The following RSPO3 variants were observed in gnomAD, a reference collection of about 807,000 sequenced individuals.
The protein encoded by RSPO3 is R-spondin 3.
In RSPO3, 17 loss-of-function variants were observed where a neutral mutation model predicts 36.5. The ratio of observed to expected loss-of-function variants is 0.47; its 90% confidence interval spans 0.32 to 0.70. RSPO3 has a LOEUF of 0.70. RSPO3 is among the 30% of genes least tolerant of loss of function. The pLI, the probability that RSPO3 is intolerant of heterozygous loss-of-function variation, is 0.04. For missense variants in RSPO3, 294 were observed against 322.5 expected, an observed-to-expected ratio of 0.91 and a Z score of 0.68; for synonymous variants, 108 against 107.0, an observed-to-expected ratio of 1.01 and a Z score of -0.06.
At chr6:127,132,237 C>T (rs1774073097) in intron 1 of RSPO3, among the ~76,000 whole-genome samples, 1 of 151,968 alleles carries the variant, frequency 6.6e-6, no homozygotes, top group African/African-American at 2.4e-5. Flanking sequence ...AGTAACTGTG[C>T]CTAAATGATA....
intron 3 of RSPO3, among the ~76,000 whole-genome samples, chr6:127,154,538 A>C (rs1414374186): frequency 2.0e-5 from 3 of 152,176 alleles, no homozygotes; most frequent in African/African-American, 7.2e-5. Context: ...CACATATAAT[A>C]GATGCCGCTA....
chr6:127,188,012 G>A (rs7745274), intron 4 of RSPO3, among the ~76,000 whole-genome samples: 85,162 of 151,828 alleles, frequency 0.56, 23,930 homozygotes, highest in African/African-American at 0.61. Flanking sequence ...GCAATACCCA[G>A]TGCCTTTAAT....
intron 4 of RSPO3, among the ~76,000 whole-genome samples, chr6:127,156,773 A>G (rs1197644988): frequency 6.6e-6 from 1 of 152,198 alleles, no homozygotes; most frequent in East Asian, 1.9e-4. Context: ...TAATCACAAC[A>G]TCGTAGAATA....
chr6:127,120,126 T>G (rs575586269), intron 1 of RSPO3, among the ~76,000 whole-genome samples: 1 of 152,240 alleles, frequency 6.6e-6, no homozygotes, highest in South Asian at 2.1e-4. Flanking sequence ...GAGGGTTGGA[T>G]TGTGATGGCT....
In RSPO3 at chr6:127,199,261, G is replaced by A. The variant is rs562872952; in HGVS notation, c.*3254G>A. Among the ~76,000 whole-genome samples, 3 of 152,050 alleles carry A rather than the reference G, an allele frequency of 2.0e-5. No individual in the cohort carries two copies. The highest frequency in any genetic ancestry group is 4.2e-4 in the South Asian group (2 of 4,812). ...TGCAAGATTGTTATGAGAATTAAAAGGTTCTTCATTCAATATAATAATAAA... is the reference window on the plus strand; with the variant it reads ...TGCAAGATTGTTATGAGAATTAAAAAGTTCTTCATTCAATATAATAATAAA... On this transcript the variant is annotated 3_prime_UTR_variant, in exon 5 of 5. Transcript: ENST00000356698.
intron 2 of RSPO3, 22 bp downstream of exon 2, chr6:127,148,861 T>C (rs1256083985): frequency 3.8e-6 from 6 of 1,574,546 alleles, no homozygotes; most frequent in Non-Finnish European, 5.2e-6. Flanking sequence ...CACGAAATTG[T>C]ATTTTTATCT....
At chr6:127,155,100 T>G in intron 3 of RSPO3, 141 bp from the exon 4 acceptor site, 2 of 758,324 alleles carry the variant, frequency 2.6e-6, no homozygotes, top group Admixed American at 2.2e-5. Flanking sequence ...TGTTTTATAT[T>G]TAAGTCATCT....
chr6:127,172,932 T>A (rs1384258283), intron 4 of RSPO3, among the ~76,000 whole-genome samples: 1 of 151,722 alleles, frequency 6.6e-6, no homozygotes, highest in Non-Finnish European at 1.5e-5. Flanking sequence ...CTTAAGAATG[T>A]CAGTTAATAA....
At chr6:127,166,756 G>A (rs1774828846) in intron 4 of RSPO3, among the ~76,000 whole-genome samples, 2 of 151,900 alleles carry the variant, frequency 1.3e-5, no homozygotes, top group Non-Finnish European at 1.5e-5. Context: ...GTTCACACGT[G>A]GAATATATCA....
At chr6:127,195,584 T>C (rs1453945807) in intron 4 of RSPO3, among the ~76,000 whole-genome samples, 1 of 152,216 alleles carries the variant, frequency 6.6e-6, no homozygotes, top group Non-Finnish European at 1.5e-5. Flanking sequence ...AGAACAGAAC[T>C]ATTTGGATTT....
intron 1 of RSPO3, among the ~76,000 whole-genome samples, chr6:127,120,216 G>T (rs1040934022): frequency 1.2e-4 from 19 of 152,222 alleles, no homozygotes; most frequent in African/African-American, 4.1e-4. Flanking sequence ...CTGAAAGGTA[G>T]AATCTTCCCA....
chr6:127,195,543 A>G (rs900436003), intron 4 of RSPO3, among the ~76,000 whole-genome samples: 5 of 152,232 alleles, frequency 3.3e-5, no homozygotes, highest in African/African-American at 1.2e-4. Context: ...TGCATAAATA[A>G]CTATCATGTA....
In RSPO3 at chr6:127,155,416, G is replaced by A; in HGVS notation, c.612G>A (p.Lys204=). 1 of 1,613,630 alleles carries A rather than the reference G, an allele frequency of 6.2e-7. No individual in the cohort carries two copies. Among genetic ancestry groups the A allele is most frequent in the Non-Finnish European group, 8.5e-7 (1 of 1,179,748 alleles). The change falls in exon 4 of 5, where the codon AAG becomes AAA. Residue 204 remains lysine (K), a synonymous_variant. Transcript: ENST00000356698. ...CAAGAAAGTGTACAGTGCAAAGGAA[G>A]AAGTGTCAGAAGGGAGAACGAGGTA... The part of the protein sequence containing the change: ...NETRKCTVQR[K]KCQKGERGKK...
At chr6:127,147,124 G>T (rs1774400904) in intron 1 of RSPO3, among the ~76,000 whole-genome samples, 1 of 152,084 alleles carries the variant, frequency 6.6e-6, no homozygotes. Context: ...AAACGTCTTG[G>T]AATGAGAATG....
chr6:127,162,285 C>T (rs1298120656), intron 4 of RSPO3, among the ~76,000 whole-genome samples: 1 of 152,116 alleles, frequency 6.6e-6, no homozygotes, highest in Non-Finnish European at 1.5e-5. Flanking sequence ...AGGTGGCATG[C>T]ATATACAGGG....
intron 4 of RSPO3, among the ~76,000 whole-genome samples, chr6:127,180,487 C>CAAA (rs71543112): frequency 4.2e-4 from 18 of 42,638 alleles, no homozygotes; most frequent in East Asian, 9.2e-4. Flanking sequence ...TGGAAGAAAA[C>CAAA]AAAAAAAAAA....
chr6:127,139,538 A>T (rs60168177), intron 1 of RSPO3, among the ~76,000 whole-genome samples: 5,546 of 133,650 alleles, frequency 0.041, 127 homozygotes, highest in South Asian at 0.07. Context: ...CCTTAAAAAA[A>T]ATATATCTTT....
chr6:127,157,816 A>G (rs1188813371), intron 4 of RSPO3, among the ~76,000 whole-genome samples: 2 of 151,794 alleles, frequency 1.3e-5, no homozygotes, highest in Non-Finnish European at 2.9e-5. Flanking sequence ...TAGGAAGAAA[A>G]TCATTTCTCT....
intron 4 of RSPO3, among the ~76,000 whole-genome samples, chr6:127,168,502 G>A (rs1159835867): frequency 1.3e-5 from 2 of 152,056 alleles, no homozygotes; most frequent in Admixed American, 6.6e-5. Flanking sequence ...CTGGATATTA[G>A]CCCTTTTTCA....
Sources: gnomAD v4.1 joint callset for allele counts (sites outside exome capture counted in the v4.1 genomes callset) on GRCh38, gnomAD v4.1.1 for gene constraint, MANE v1.5 for transcripts, NCBI Gene and HGNC (gene_info 2026-07-23, HGNC 2026-07-21) for gene names.